The following TMEM41B variants were observed in gnomAD, a reference collection of about 807,000 sequenced individuals.
The protein encoded by TMEM41B is transmembrane protein 41B, also known as protein stasimon.
In TMEM41B, 18 loss-of-function variants were observed where a neutral mutation model predicts 31.9. The ratio of observed to expected loss-of-function variants is 0.56; its 90% CI spans 0.39 to 0.84. The LOEUF is 0.84. Ranked by LOEUF, TMEM41B falls within the 40% of genes least tolerant of loss-of-function variation. The probability of loss-of-function intolerance (pLI) is 0.00; values close to 1 mark genes in which losing one functional copy is unlikely to be tolerated. For synonymous variants in TMEM41B, 144 were observed against 124.3 expected, an observed-to-expected ratio of 1.16 and a Z score of -1.05; for missense variants, 322 against 348.0, an observed-to-expected ratio of 0.93 and a Z score of 0.59.
chr11:9,292,917 C>T (rs1852990865), intron 3 of TMEM41B, among the ~76,000 whole-genome samples: 1 of 152,166 alleles, frequency 6.6e-6, no homozygotes, highest in Non-Finnish European at 1.5e-5. Context: ...TCCTTGCCAA[C>T]ACTTGTTATT....
chr11:9,286,471 A>G lies in TMEM41B; in HGVS notation c.690T>C (p.Phe230=), dbSNP rs1258188560. ...AGGGCTTACCTAGAAAAGTACCAAT[A>G]AAAAAAACTTTCAATGGCACGTTTA... ...PVINVPLKVF[F]IGTFLGVAPP... Residue 230 remains phenylalanine (F), a synonymous_variant, in exon 6 of 7, where the codon TTT becomes TTC. Transcript: ENST00000528080. The G allele has an allele frequency of 1.2e-6, 2 of 1,610,250 alleles. No individual in the cohort carries two copies. The highest frequency in any genetic ancestry group is 3.4e-5 in the Admixed American group (2 of 59,206).
At chr11:9,290,292 G>A (rs905734158) in intron 3 of TMEM41B, among the ~76,000 whole-genome samples, 6 of 152,256 alleles carry the variant, frequency 3.9e-5, no homozygotes, top group East Asian at 3.9e-4. Context: ...CAGGGGAATC[G>A]CTTGAACCCA....
intron 1 of TMEM41B, among the ~76,000 whole-genome samples, chr11:9,307,259 A>G (rs1023700875): frequency 3.3e-5 from 5 of 151,994 alleles, no homozygotes; most frequent in African/African-American, 9.7e-5. Context: ...CGAACGAAGG[A>G]AAAAAAATCC....
chr11:9,309,285 G>T (rs1327392869), intron 1 of TMEM41B, among the ~76,000 whole-genome samples: 1 of 151,852 alleles, frequency 6.6e-6, no homozygotes, highest in Non-Finnish European at 1.5e-5. Flanking sequence ...TCCTGAAGAT[G>T]CTGAGCAACT....
chr11:9,306,382 G>C (rs117138617), intron 1 of TMEM41B, among the ~76,000 whole-genome samples: 2 of 152,010 alleles, frequency 1.3e-5, no homozygotes, highest in African/African-American at 4.8e-5. Context: ...CAAAGGTACT[G>C]TTATAGAAAG....
At chr11:9,283,846 G>A (rs1003189666) in intron 6 of TMEM41B, among the ~76,000 whole-genome samples, 1 of 150,942 alleles carries the variant, frequency 6.6e-6, no homozygotes, top group Non-Finnish European at 1.5e-5. Context: ...ACACGATGGC[G>A]CGATCTTGGC....
At chr11:9,311,460 T>C in intron 1 of TMEM41B, 7 of 1,414,584 alleles carry the variant, frequency 4.9e-6, no homozygotes, top group Admixed American at 3.4e-5. Context: ...TGGAGGAGGG[T>C]AGGGACCCGA....
rs184003301 is a variant in TMEM41B, at chr11:9,295,102, T to C, written c.368+157A>G. 1,436 of 995,714 alleles carry C rather than the reference T, an allele frequency of 1.4e-3. 3 individuals carry two copies. Among genetic ancestry groups the C allele is most frequent in the Non-Finnish European group, 1.8e-3 (1,334 of 749,530 alleles). 61.7% of individuals were successfully genotyped at this position (995,714 alleles called of 1,614,324 possible). Reference sequence around the variant, plus strand: ...ATTAGTTCAGCAAATAGGATTAAAGTGATAATTTTTTTCCATTTTAATTTT... The same window carrying C: ...ATTAGTTCAGCAAATAGGATTAAAGCGATAATTTTTTTCCATTTTAATTTT... On this transcript the variant is annotated intron_variant, in intron 3 of 6. Coordinates refer to ENST00000528080, the MANE Select transcript of TMEM41B (RefSeq NM_015012.4).
intron 3 of TMEM41B, among the ~76,000 whole-genome samples, chr11:9,291,272 C>T (rs2133617444): frequency 6.6e-6 from 1 of 152,170 alleles, no homozygotes; most frequent in East Asian, 1.9e-4. Context: ...ATCTCAGCTA[C>T]TTGGCAAGCT....
Position 9,314,575 on chromosome 11 carries a change from T to C in TMEM41B, c.-134A>G, listed in dbSNP as rs763097671. ...CGCGACCTCCTCACCCGAGACGACC[T>C]CAGCCCAGCGAGTACTGCAACCTCC... On this transcript the variant is annotated 5_prime_UTR_variant, in exon 1 of 7. Transcript: ENST00000528080. 10 of 1,309,946 alleles carry C rather than the reference T, an allele frequency of 7.6e-6. No individual in the cohort carries two copies. In the Admixed American group the frequency reaches 2.2e-4, roughly 29 times the overall value. 81.1% of individuals were successfully genotyped at this position (1,309,946 alleles called of 1,614,324 possible).
rs568149955 is a variant in TMEM41B, at chr11:9,301,327, G to A, written c.122-1626C>T. Among the ~76,000 whole-genome samples, 30 of 151,538 alleles carry A rather than the reference G, an allele frequency of 2.0e-4. No individual in the cohort carries two copies. The South Asian group carries it at 2.7e-3, about 14-fold the overall frequency. On this transcript the variant is annotated intron_variant, in intron 1 of 6. Coordinates refer to ENST00000528080, the MANE Select transcript of TMEM41B (RefSeq NM_015012.4). The stretch of plus-strand genomic sequence containing the variant: ...GGAGAATGGCATGAACCTGGGAGGC[G>A]GAGCTTGCAGTGAGCCAAGATCGCA...
intron 1 of TMEM41B, among the ~76,000 whole-genome samples, chr11:9,303,825 G>A (rs1853316096): frequency 6.6e-6 from 1 of 151,454 alleles, no homozygotes; most frequent in Non-Finnish European, 1.5e-5. Flanking sequence ...ACGCCACGAG[G>A]ATCAACTAAT....
rs1554943935 is a variant in TMEM41B, at chr11:9,299,325, T to TATACACAC, written c.239+258_239+259insGTGTGTAT. ...AAAAAAGAAAGTATATATACATACA[T>TATACACAC]ACACACACACACACACACACGTGTG... On this transcript the variant is annotated intron_variant, in intron 2 of 6. Coordinates refer to ENST00000528080, the MANE Select transcript of TMEM41B (RefSeq NM_015012.4). Among the ~76,000 whole-genome samples, 3 of 123,144 alleles carry TATACACAC rather than the reference T, an allele frequency of 2.4e-5. 1 individual carries two copies. The highest frequency in any genetic ancestry group is 5.0e-4 in the East Asian group (2 of 4,018). The allele number at this position is 123,144 out of a possible 152,430, so 80.8% of individuals were successfully genotyped here.
chr11:9,283,738 T>C (rs544142767), intron 6 of TMEM41B, 145 bp from the exon 7 acceptor site: 1 of 687,290 alleles, frequency 1.5e-6, no homozygotes, highest in African/African-American at 1.9e-5. Flanking sequence ...CTCAAGTTTA[T>C]TTCCATATAA....
At chr11:9,310,189 C>G (rs1238990447) in intron 1 of TMEM41B, among the ~76,000 whole-genome samples, 1 of 151,708 alleles carries the variant, frequency 6.6e-6, no homozygotes, top group Admixed American at 6.6e-5. Context: ...GTGTGCACCA[C>G]CATGCCCAGC....
intron 3 of TMEM41B, among the ~76,000 whole-genome samples, chr11:9,291,739 C>T (rs1358892694): frequency 1.3e-5 from 2 of 151,242 alleles, no homozygotes; most frequent in African/African-American, 2.4e-5. Context: ...GTAGGAGTCT[C>T]GCTCTGTCGT....
At chr11:9,308,528 C>T (rs1353756849) in intron 1 of TMEM41B, among the ~76,000 whole-genome samples, 1 of 152,134 alleles carries the variant, frequency 6.6e-6, no homozygotes, top group Non-Finnish European at 1.5e-5. Context: ...GAACTAGCAC[C>T]TTTGACTGAA....
In TMEM41B at chr11:9,304,648, CTTAA is replaced by C. The variant is rs552347150; in HGVS notation, c.122-4951_122-4948del. 3.0e-4 allele frequency among the ~76,000 whole-genome samples: 45 copies of C among 149,968 alleles called. No homozygotes were observed. The South Asian group carries it at 6.5e-3, about 22-fold the overall frequency. Reference sequence around the variant, plus strand: ...CCACAGGTGTTTGTGACCATGTCTGCTTAATTAATTAATTAATTTTTTTTTTTTG... The same window carrying C: ...CCACAGGTGTTTGTGACCATGTCTGCTTAATTAATTAATTTTTTTTTTTTG... On this transcript the variant is annotated intron_variant, in intron 1 of 6. Coordinates refer to ENST00000528080, the MANE Select transcript of TMEM41B (RefSeq NM_015012.4).
At chr11:9,297,786 G>A (rs932363611) in intron 2 of TMEM41B, among the ~76,000 whole-genome samples, 5 of 151,884 alleles carry the variant, frequency 3.3e-5, no homozygotes, top group Admixed American at 2.6e-4. Flanking sequence ...TCCTCCCAAA[G>A]TGCTAGGACT....
Sources: allele counts gnomAD v4.1 joint callset (sites outside exome capture counted in the v4.1 genomes callset), GRCh38; gene constraint gnomAD v4.1.1; transcripts MANE v1.5; gene names NCBI Gene and HGNC (gene_info 2026-07-23, HGNC 2026-07-21).